SEMA3A: variants seen among roughly 807,000 people sequenced by gnomAD.
SEMA3A encodes the protein semaphorin 3A.
A neutral mutation model predicts 97.9 loss-of-function variants in SEMA3A; 29 were observed. The observed-to-expected ratio is 0.30, with a 90% CI of 0.22 to 0.40. SEMA3A has a LOEUF of 0.40. Among genes scored for constraint, SEMA3A ranks in the 10% least tolerant of loss-of-function variants. The pLI is 1.00. For missense variants in SEMA3A, 763 were observed against 951.3 expected (o/e 0.80, Z 2.60); for synonymous variants, 321 against 323.7 (o/e 0.99, Z 0.09).
chr7:84,285,213 T>A (rs1584201471), intron 3 of SEMA3A, among the ~76,000 whole-genome samples: 1 of 152,230 alleles, frequency 6.6e-6, no homozygotes, highest in Non-Finnish European at 1.5e-5. Context: ...TAAGTCTACT[T>A]CCCTTACTGT....
intron 5 of SEMA3A, among the ~76,000 whole-genome samples, chr7:84,058,242 T>C (rs1793071751): frequency 6.6e-6 from 1 of 152,194 alleles, no homozygotes; most frequent in African/African-American, 2.4e-5. Context: ...GAGGAAGGTG[T>C]ATCCAAAAGC....
At chr7:84,244,915 C>T (rs1486659922) in intron 3 of SEMA3A, among the ~76,000 whole-genome samples, 19 of 151,926 alleles carry the variant, frequency 1.3e-4, no homozygotes, top group Non-Finnish European at 1.5e-5. Flanking sequence ...AATATTGGCC[C>T]TCACTTTCTT....
intron 1 of SEMA3A, among the ~76,000 whole-genome samples, chr7:84,475,711 G>T (rs953980859): frequency 3.3e-5 from 5 of 152,160 alleles, no homozygotes; most frequent in African/African-American, 1.2e-4. Context: ...ACTTACAGAT[G>T]ATGAGTACAG....
At chr7:84,070,993 A>T (rs1793718152) in intron 4 of SEMA3A, among the ~76,000 whole-genome samples, 1 of 152,156 alleles carries the variant, frequency 6.6e-6, no homozygotes, top group African/African-American at 2.4e-5. Context: ...TAAGATCTCA[A>T]AGGAAATATT....
At chr7:84,290,705 A>G (rs528064926) in intron 3 of SEMA3A, among the ~76,000 whole-genome samples, 7 of 152,236 alleles carry the variant, frequency 4.6e-5, no homozygotes, top group African/African-American at 1.7e-4. Flanking sequence ...GAAGTATTAA[A>G]TGGGTCTATT....
chr7:84,425,071 A>G (rs1484771144), intron 1 of SEMA3A, among the ~76,000 whole-genome samples: 2 of 106,166 alleles, frequency 1.9e-5, no homozygotes, highest in Non-Finnish European at 3.4e-5. Context: ...TAATTTATAA[A>G]TATAATTTAT....
At chr7:84,397,689 G>A (rs1202778922) in intron 1 of SEMA3A, among the ~76,000 whole-genome samples, 3 of 151,834 alleles carry the variant, frequency 2.0e-5, no homozygotes, top group East Asian at 1.9e-4. Flanking sequence ...TAATCTCCAC[G>A]AATTTCTTCC....
intron 1 of SEMA3A, among the ~76,000 whole-genome samples, chr7:84,403,037 C>A (rs1056984147): frequency 1.3e-5 from 2 of 152,004 alleles, no homozygotes; most frequent in Non-Finnish European, 1.5e-5. Flanking sequence ...TGGGGAGTGC[C>A]GGAGAGTGGG....
At chr7:84,473,662 T>C (rs956743880) in intron 1 of SEMA3A, among the ~76,000 whole-genome samples, 2 of 152,090 alleles carry the variant, frequency 1.3e-5, no homozygotes, top group African/African-American at 4.8e-5. Context: ...GTGCTGGGTT[T>C]ACAGGCATGA....
intron 3 of SEMA3A, among the ~76,000 whole-genome samples, chr7:84,264,529 T>C (rs950015688): frequency 1.2e-4 from 18 of 152,344 alleles, no homozygotes; most frequent in African/African-American, 4.3e-4. Flanking sequence ...TCATTAGCTT[T>C]CTAACCCAAT....
At chr7:84,179,955 T>C (rs1405304860) in intron 1 of SEMA3A, among the ~76,000 whole-genome samples, 2 of 141,656 alleles carry the variant, frequency 1.4e-5, no homozygotes, top group Non-Finnish European at 3.0e-5. Flanking sequence ...CATCTCTGCT[T>C]GACTGTTCTT....
intron 6 of SEMA3A, among the ~76,000 whole-genome samples, chr7:84,028,492 A>G (rs1184683063): frequency 6.6e-6 from 1 of 152,200 alleles, no homozygotes; most frequent in Non-Finnish European, 1.5e-5. Context: ...TTTTACTTAA[A>G]TATTATGGTC....
intron 3 of SEMA3A, among the ~76,000 whole-genome samples, chr7:84,260,450 A>G (rs1052090320): frequency 6.7e-6 from 1 of 149,462 alleles, no homozygotes. Flanking sequence ...GCTCAGTCAC[A>G]GATGCCCAGC....
At chr7:84,062,035 T>A (rs1793236353) in intron 4 of SEMA3A, among the ~76,000 whole-genome samples, 1 of 152,198 alleles carries the variant, frequency 6.6e-6, no homozygotes, top group Admixed American at 6.5e-5. Context: ...TGTCAGCACA[T>A]GTAAGGATAT....
chr7:84,274,408 TAGAGA>T (rs1303854990), intron 3 of SEMA3A, among the ~76,000 whole-genome samples: 1 of 151,530 alleles, frequency 6.6e-6, no homozygotes, highest in African/African-American at 2.4e-5. Flanking sequence ...AGAAAGAGAG[TAGAGA>T]AAAGTACACA....
At chr7:84,313,350 GTGTGTGTATATATATATATA>G (rs1199657891) in intron 2 of SEMA3A, among the ~76,000 whole-genome samples, 403 of 38,678 alleles carry the variant, frequency 0.01, 11 homozygotes, top group African/African-American at 0.034. Context: ...ATGTATATGT[GTGTGTGTATATATATATATA>G]TATATATATA....
At chr7:84,424,263 T>C (rs1326450691) in intron 1 of SEMA3A, among the ~76,000 whole-genome samples, 1 of 148,078 alleles carries the variant, frequency 6.8e-6, no homozygotes, top group Non-Finnish European at 1.5e-5. Flanking sequence ...GACCAATGAG[T>C]GGATAAAGAA....
chr7:84,383,932 G>C (rs992912890), intron 1 of SEMA3A, among the ~76,000 whole-genome samples: 1 of 152,166 alleles, frequency 6.6e-6, no homozygotes, highest in African/African-American at 2.4e-5. Flanking sequence ...AATTATTTAA[G>C]AGACAGGTAT....
intron 14 of SEMA3A, among the ~76,000 whole-genome samples, chr7:83,980,623 A>AAAAAAAAAAATATATATATAT (rs1310318006): frequency 2.8e-5 from 2 of 71,756 alleles, no homozygotes; most frequent in Non-Finnish European, 2.4e-5. Flanking sequence ...AAAAAAAAAA[A>AAAAAAAAAAATATATATATAT]ATATATATAT....
Sources: gnomAD v4.1 joint callset for allele counts (sites outside exome capture counted in the v4.1 genomes callset) on GRCh38, gnomAD v4.1.1 for gene constraint, MANE v1.5 for transcripts, NCBI Gene and HGNC (gene_info 2026-07-23, HGNC 2026-07-21) for gene names.